SERPINE2: variants seen among roughly 807,000 people sequenced by gnomAD.
SERPINE2 encodes serpin family E member 2.
Under a neutral mutation model 36.3 loss-of-function variants are expected in SERPINE2, and 14 were observed. That is an observed-to-expected ratio of 0.39 (90% CI 0.25 to 0.60). SERPINE2 has a LOEUF of 0.60. Among genes scored for constraint, SERPINE2 ranks in the 20% least tolerant of loss-of-function variants. SERPINE2 has a pLI of 0.57. For synonymous variants in SERPINE2, 192 were observed against 191.8 expected, an observed-to-expected ratio of 1.00 and a Z score of -0.01; for missense variants, 418 against 499.6, an observed-to-expected ratio of 0.84 and a Z score of 1.56.
In SERPINE2 at chr2:224,039,258, G is replaced by T. The variant is rs1692635886; in HGVS notation, c.-182C>A. On this transcript the variant is annotated 5_prime_UTR_variant, in exon 1 of 9. Coordinates refer to ENST00000409304, the MANE Select transcript of SERPINE2 (RefSeq NM_001136528.2). This position sits in a 1 kb window ranked among gnomAD's most constrained non-coding sequence, Gnocchi z 5.2. ...AGAGGCAGCGGTGGCGCCTGCAGACGCCGCGCAGCCCGGGCAGCCCCACAG... is the reference window on the plus strand; with the variant it reads ...AGAGGCAGCGGTGGCGCCTGCAGACTCCGCGCAGCCCGGGCAGCCCCACAG... 1 of 150,532 alleles carries T rather than the reference G, an allele frequency of 6.6e-6. No homozygotes were observed. Among genetic ancestry groups the T allele is most frequent in the South Asian group, 2.1e-4 (1 of 4,856 alleles). 9.3% of individuals were successfully genotyped at this position (150,532 alleles called of 1,614,324 possible).
intron 3 of SERPINE2, among the ~76,000 whole-genome samples, chr2:223,993,122 C>T (rs1690737456): frequency 1.7e-5 from 1 of 57,612 alleles, no homozygotes; most frequent in African/African-American, 4.5e-5. Context: ...GAGACCCTGT[C>T]TCTAAAAAAA....
chr2:223,996,819 A>G (rs1474953737), intron 3 of SERPINE2, among the ~76,000 whole-genome samples: 14 of 152,190 alleles, frequency 9.2e-5, no homozygotes, highest in Admixed American at 6.5e-5. Flanking sequence ...GCTCATGCCT[A>G]TAATCCCAGC....
intron 1 of SERPINE2, among the ~76,000 whole-genome samples, chr2:224,006,048 A>G (rs1426419237): frequency 6.6e-6 from 1 of 152,222 alleles, no homozygotes; most frequent in African/African-American, 2.4e-5. Flanking sequence ...CGTAGTAAAT[A>G]ATGGGATGGT....
chr2:224,001,967 T>C (rs749463944), intron 1 of SERPINE2, 45 bp from the exon 2 acceptor site: 1 of 1,477,294 alleles, frequency 6.8e-7, no homozygotes, highest in Non-Finnish European at 9.0e-7. Context: ...CTTAAATGGG[T>C]ACTTTACTAC....
rs542296431 is a variant in SERPINE2, at chr2:224,026,550, C to T, written c.-23+12549G>A. Among the ~76,000 whole-genome samples, 5 of 152,230 alleles carry T rather than the reference C, an allele frequency of 3.3e-5. No homozygotes were observed. In the South Asian group the frequency reaches 6.2e-4, roughly 19 times the overall value. ...GGATCTCATCTATCTAGTTTTTTTG[C>T]GAACTCTTAATGATTTTGTAAGGAC... On this transcript the variant is annotated intron_variant, in intron 1 of 8. Transcript: ENST00000409304.
chr2:224,027,535 G>A (rs950970728), intron 1 of SERPINE2, among the ~76,000 whole-genome samples: 2 of 152,136 alleles, frequency 1.3e-5, no homozygotes, highest in Non-Finnish European at 2.9e-5. Flanking sequence ...ACTGATTATT[G>A]ATCCAGTACA....
chr2:224,023,071 T>G (rs1046275426), intron 1 of SERPINE2, among the ~76,000 whole-genome samples: 1 of 152,230 alleles, frequency 6.6e-6, no homozygotes, highest in Non-Finnish European at 1.5e-5. Context: ...CTTTCCTTAA[T>G]AAATTACCCA....
intron 1 of SERPINE2, among the ~76,000 whole-genome samples, chr2:224,028,110 G>A (rs1474463501): frequency 6.6e-6 from 1 of 152,210 alleles, no homozygotes; most frequent in Non-Finnish European, 1.5e-5. Flanking sequence ...AGGGTGAGTG[G>A]CAGGTGATGG....
chr2:224,037,851 T>G (rs1259473361), intron 1 of SERPINE2, among the ~76,000 whole-genome samples: 1 of 152,234 alleles, frequency 6.6e-6, no homozygotes, highest in Non-Finnish European at 1.5e-5. Context: ...TTCATGACCT[T>G]CAGTAATTGC....
rs370562823 is a variant in SERPINE2 at position 223,982,380 on chromosome 2, A to G, written c.985+301T>C. On this transcript the variant is annotated intron_variant, in intron 6 of 8. Transcript: ENST00000409304. ...TTAATACATATTGAGTACAACGTAT[A>G]CTACTCGGGGGAGGGGTGTACTAAA... 17 of 248,362 alleles carry G rather than the reference A, an allele frequency of 6.8e-5. No homozygotes were observed. In the East Asian group the frequency reaches 7.5e-4, roughly 11 times the overall value. 15.4% of individuals were successfully genotyped at this position (248,362 alleles called of 1,614,324 possible).
intron 7 of SERPINE2, chr2:223,978,625 C>T (rs1270888464): frequency 2.0e-5 from 3 of 152,214 alleles, no homozygotes; most frequent in African/African-American, 7.2e-5. Context: ...AGGTGTGTGG[C>T]ATTACTACCA....
At chr2:223,980,128 T>C in intron 7 of SERPINE2, 183 bp downstream of exon 7, 1 of 526,910 alleles carries the variant, frequency 1.9e-6, no homozygotes. Context: ...ATGAAACAGA[T>C]TCTGAGCTTT....
At chr2:223,985,381 A>T (rs890989585) in intron 4 of SERPINE2, among the ~76,000 whole-genome samples, 2 of 152,088 alleles carry the variant, frequency 1.3e-5, no homozygotes, top group Non-Finnish European at 2.9e-5. Context: ...ATAGATAGTA[A>T]AATAGTTACT....
intron 1 of SERPINE2, among the ~76,000 whole-genome samples, chr2:224,033,344 G>A (rs1231130035): frequency 1.3e-5 from 2 of 152,166 alleles, no homozygotes; most frequent in East Asian, 3.9e-4. Flanking sequence ...AATGCTGAAT[G>A]ATTTTATAGG....
intron 1 of SERPINE2, chr2:224,029,928 C>T (rs1484396181): frequency 2.3e-6 from 1 of 433,430 alleles, no homozygotes; most frequent in Non-Finnish European, 3.1e-6. Context: ...AATTCCGAGC[C>T]TCAAGTGATC....
intron 1 of SERPINE2, among the ~76,000 whole-genome samples, chr2:224,003,234 G>A (rs1691257399): frequency 1.3e-5 from 2 of 152,122 alleles, no homozygotes; most frequent in South Asian, 2.1e-4. Flanking sequence ...CAGTGTGGAT[G>A]TGAAATCAAG....
chr2:224,012,382 C>T (rs1038163846), intron 1 of SERPINE2, among the ~76,000 whole-genome samples: 1 of 152,092 alleles, frequency 6.6e-6, no homozygotes, highest in East Asian at 1.9e-4. Context: ...CATGGTAATA[C>T]ATTCTGGATA....
chr2:224,006,783 T>C (rs997479989), intron 1 of SERPINE2, among the ~76,000 whole-genome samples: 2 of 152,192 alleles, frequency 1.3e-5, no homozygotes, highest in African/African-American at 4.8e-5. Context: ...AAGTCTAGAT[T>C]AGGGTTATTC....
chr2:223,991,464 A>G (rs1389954733), intron 4 of SERPINE2, among the ~76,000 whole-genome samples: 1 of 152,212 alleles, frequency 6.6e-6, no homozygotes, highest in South Asian at 2.1e-4. Flanking sequence ...TAAGACTGCT[A>G]ATGAGTTGCT....
Sources: gnomAD v4.1 joint callset for allele counts (sites outside exome capture counted in the v4.1 genomes callset) on GRCh38, gnomAD v4.1.1 for gene constraint, Gnocchi (gnomAD v3.1) non-coding constraint, MANE v1.5 for transcripts, NCBI Gene and HGNC (gene_info 2026-07-23, HGNC 2026-07-21) for gene names.